DTNBP1: variants seen among roughly 807,000 people sequenced by gnomAD.
DTNBP1 encodes the protein dystrobrevin binding protein 1, also known as dysbindin.
DTNBP1 carries 35 observed loss-of-function variants against 42.8 expected under a neutral mutation model. That is an observed-to-expected ratio of 0.82 (90% CI 0.63 to 1.09). The LOEUF is 1.09. DTNBP1 is among the 50% of genes least tolerant of loss of function. The pLI, the probability that DTNBP1 is intolerant of heterozygous loss-of-function variation, is 0.00. For missense variants in DTNBP1, 457 were observed against 424.2 expected (o/e 1.08, Z -0.68); for synonymous variants, 171 against 162.2 (o/e 1.05, Z -0.41).
At chr6:15,534,806 A>G (rs1773117670) in intron 7 of DTNBP1, among the ~76,000 whole-genome samples, 1 of 152,202 alleles carries the variant, frequency 6.6e-6, no homozygotes, top group Non-Finnish European at 1.5e-5. Context: ...AATTTGGGAT[A>G]GAAATATTAA....
In DTNBP1 at chr6:15,533,244, CCG is replaced by C; in HGVS notation, c.661_662del (p.Arg221AlafsTer52). The C allele has an allele frequency of 6.2e-7, 1 of 1,613,918 alleles. No homozygotes were observed. The highest frequency in any genetic ancestry group is 8.5e-7 in the Non-Finnish European group (1 of 1,180,026). On this transcript the variant is annotated frameshift_variant, in exon 8 of 10. Transcript: ENST00000344537. LOFTEE classifies it high-confidence loss of function. ...LSTGYLQIAE[R>X]REPIGSMSSM... The stretch of plus-strand genomic sequence containing the variant: ...GCAGCCCCAGCCCCCACTCGCCTCG[CCG>C]CTCTGCAATCTGCAGGTAGCCAGTG...
chr6:15,549,729 C>A (rs1166938224), intron 7 of DTNBP1, among the ~76,000 whole-genome samples: 1 of 152,076 alleles, frequency 6.6e-6, no homozygotes, highest in African/African-American at 2.4e-5. Context: ...AGCTAGCTGT[C>A]GACCAAACCG....
At chr6:15,564,796 T>C (rs1398119038) in intron 7 of DTNBP1, among the ~76,000 whole-genome samples, 1 of 151,974 alleles carries the variant, frequency 6.6e-6, no homozygotes, top group East Asian at 1.9e-4. Flanking sequence ...ATGCTCAACA[T>C]CATTAGTTAT....
chr6:15,526,598 A>G (rs1219233568), intron 8 of DTNBP1, among the ~76,000 whole-genome samples: 2 of 152,194 alleles, frequency 1.3e-5, no homozygotes, highest in Non-Finnish European at 2.9e-5. Flanking sequence ...CCGGGGGTTG[A>G]GCCCAGCCGC....
intron 7 of DTNBP1, among the ~76,000 whole-genome samples, chr6:15,564,125 T>C (rs1774962703): frequency 6.6e-6 from 1 of 151,750 alleles, no homozygotes; most frequent in Non-Finnish European, 1.5e-5. Flanking sequence ...CCTTTGAGGT[T>C]TCCTCCCATC....
intron 7 of DTNBP1, among the ~76,000 whole-genome samples, chr6:15,544,383 G>T (rs1230775517): frequency 6.6e-6 from 1 of 152,166 alleles, no homozygotes; most frequent in Admixed American, 6.5e-5. Context: ...TTGTGTATGA[G>T]TTCCTACATG....
At chr6:15,625,780 T>C (rs545889768) in intron 5 of DTNBP1, among the ~76,000 whole-genome samples, 1 of 152,188 alleles carries the variant, frequency 6.6e-6, no homozygotes, top group African/African-American at 2.4e-5. Context: ...CAAAGAAACA[T>C]ACAACCAATG....
chr6:15,550,810 G>T (rs532931975), intron 7 of DTNBP1, among the ~76,000 whole-genome samples: 15 of 152,264 alleles, frequency 9.9e-5, no homozygotes, highest in African/African-American at 3.6e-4. Context: ...AGGCAGGCTG[G>T]TGTTGCAGCC....
At chr6:15,532,420 C>CA (rs1772909379) in intron 8 of DTNBP1, among the ~76,000 whole-genome samples, 1 of 152,138 alleles carries the variant, frequency 6.6e-6, no homozygotes, top group Non-Finnish European at 1.5e-5. Context: ...TACATCATGA[C>CA]AAAAAGATGC....
chr6:15,533,383 G>C lies in DTNBP1; in HGVS notation c.524C>G (p.Ala175Gly), dbSNP rs1169667334. ...TTCCAGGACCTTCTGGGCGTGCTCT[G>C]CATCTAGTTCAGCTGAGGAAACAGA... ...ELETFKAELD[A>G]EHAQKVLEME... is the part of the protein sequence containing the mutation. The change falls in exon 8 of 10, where the codon GCA becomes GGA. Residue 175 changes from alanine (A) to glycine (G), a missense_variant. Coordinates refer to ENST00000344537, the MANE Select transcript of DTNBP1 (RefSeq NM_032122.5). 6.2e-7 allele frequency: 1 copy of C among 1,614,112 alleles called. No homozygotes were observed. Among genetic ancestry groups the C allele is most frequent in the Non-Finnish European group, 8.5e-7 (1 of 1,180,064 alleles).
In DTNBP1 at chr6:15,523,134, G is replaced by T; in HGVS notation, c.897C>A (p.Ser299=). The T allele has an allele frequency of 6.2e-7, 1 of 1,614,262 alleles. No individual in the cohort carries two copies. Among genetic ancestry groups the T allele is most frequent in the East Asian group, 2.2e-5 (1 of 44,890 alleles). Residue 299 remains serine, a synonymous_variant, in exon 10 of 10, where the codon TCC becomes TCA. Coordinates refer to ENST00000344537, the MANE Select transcript of DTNBP1 (RefSeq NM_032122.5). ...SELRAKPPSS[S]STCTDSATRD... The stretch of plus-strand genomic sequence containing the variant: ...GGGTGGCCGAGTCGGTGCAGGTGGA[G>T]GAAGAAGAAGGTGGCTTGGCTCTTA...
intron 9 of DTNBP1, chr6:15,524,074 T>G: frequency 7.6e-7 from 1 of 1,310,994 alleles, no homozygotes. Context: ...GCAACTAAGT[T>G]TACAACACAG....
chr6:15,656,133 T>C (rs1761265214), intron 1 of DTNBP1, among the ~76,000 whole-genome samples: 1 of 152,126 alleles, frequency 6.6e-6, no homozygotes, highest in Non-Finnish European at 1.5e-5. Flanking sequence ...ATAAAGGTGA[T>C]CCCCATCAAG....
chr6:15,576,898 C>T (rs919132398), intron 7 of DTNBP1, among the ~76,000 whole-genome samples: 4 of 151,946 alleles, frequency 2.6e-5, no homozygotes, highest in Non-Finnish European at 5.9e-5. Flanking sequence ...TCCACACAGA[C>T]GACATGTATT....
chr6:15,631,829 T>G (rs1247461704), intron 4 of DTNBP1, among the ~76,000 whole-genome samples: 2 of 152,228 alleles, frequency 1.3e-5, no homozygotes, highest in East Asian at 3.8e-4. Flanking sequence ...TAACTTCTAC[T>G]TAATGCCAAC....
At chr6:15,644,442 T>C (rs1328459399) in intron 3 of DTNBP1, among the ~76,000 whole-genome samples, 1 of 152,112 alleles carries the variant, frequency 6.6e-6, no homozygotes, top group Non-Finnish European at 1.5e-5. Flanking sequence ...CTAATGGACA[T>C]CTACAGGATA....
chr6:15,568,910 T>C (rs1338452657), intron 7 of DTNBP1, among the ~76,000 whole-genome samples: 1 of 152,166 alleles, frequency 6.6e-6, no homozygotes, highest in Non-Finnish European at 1.5e-5. Flanking sequence ...GAGTCAAAAG[T>C]TATACAAGGA....
At position 15,522,871 on chromosome 6, in the gene DTNBP1, G is replaced by A. The variant is rs1301393253; in HGVS notation, c.*104C>T. On this transcript the variant is annotated 3_prime_UTR_variant, in exon 10 of 10. Coordinates refer to ENST00000344537, the MANE Select transcript of DTNBP1 (RefSeq NM_032122.5). Reference sequence around the variant, plus strand: ...TTTCTCACACATTATTGGCAATTATGTAAAAATCAAGAACCTCTATAAAAC... The same window carrying A: ...TTTCTCACACATTATTGGCAATTATATAAAAATCAAGAACCTCTATAAAAC... 9 of 1,589,690 alleles carry A rather than the reference G, an allele frequency of 5.7e-6. No individual in the cohort carries two copies. The African/African-American group carries it at 8.1e-5, about 14-fold the overall frequency.
At chr6:15,584,353 A>G (rs900127152) in intron 7 of DTNBP1, among the ~76,000 whole-genome samples, 1 of 152,126 alleles carries the variant, frequency 6.6e-6, no homozygotes, top group Non-Finnish European at 1.5e-5. Context: ...GAGAGAAGAG[A>G]AAATATGTCA....
Sources: allele counts gnomAD v4.1 joint callset (sites outside exome capture counted in the v4.1 genomes callset), GRCh38; gene constraint gnomAD v4.1.1; transcripts MANE v1.5; gene names NCBI Gene and HGNC (gene_info 2026-07-23, HGNC 2026-07-21).